The following TBC1D4 variants were observed in gnomAD, a reference collection of about 807,000 sequenced individuals.
TBC1D4 encodes TBC (Tre-2, BUB2, CDC16) domain-containing protein.
TBC1D4 carries 121 observed loss-of-function variants against 142.5 expected under a neutral mutation model. The ratio of observed to expected loss-of-function variants is 0.85; its 90% CI spans 0.73 to 0.99. The LOEUF (loss-of-function observed/expected upper bound fraction) is 0.99. Ranked by LOEUF, TBC1D4 falls within the 50% of genes least tolerant of loss-of-function variation. The pLI is 0.00. For missense variants in TBC1D4, 1,475 were observed against 1,606.6 expected (o/e 0.92, Z 1.40); for synonymous variants, 630 against 628.2 (o/e 1.00, Z -0.04).
intron 1 of TBC1D4, among the ~76,000 whole-genome samples, chr13:75,468,685 C>T (rs573658402): frequency 6.6e-6 from 1 of 152,296 alleles, no homozygotes; most frequent in South Asian, 2.1e-4. Context: ...AATACAATCA[C>T]CACTTGTTAA....
intron 11 of TBC1D4, 64 bp downstream of exon 11, chr13:75,324,173 T>C (rs1879017300): frequency 1.3e-6 from 2 of 1,585,958 alleles, no homozygotes; most frequent in African/African-American, 1.3e-5. Flanking sequence ...AACCACTTTT[T>C]AGTAACATAT....
intron 9 of TBC1D4, 38 bp from the exon 10 acceptor site, chr13:75,326,461 G>A (rs751076500): frequency 1.0e-5 from 16 of 1,606,304 alleles, no homozygotes; most frequent in South Asian, 3.3e-5. Context: ...TATTTCCCAC[G>A]TGGGTCATGG....
rs187848759 is a variant in TBC1D4 at position 75,283,725 on chromosome 13, A to G, written c.*3067T>C. 3.9e-5 allele frequency among the ~76,000 whole-genome samples: 6 copies of G among 152,314 alleles called. No individual in the cohort carries two copies. The East Asian group carries it at 1.2e-3, about 29-fold the overall frequency. On this transcript the variant is annotated 3_prime_UTR_variant, in exon 21 of 21. Coordinates refer to ENST00000377636, the MANE Select transcript of TBC1D4 (RefSeq NM_014832.5). ...TGCAAATCTGTCAATGTGGTTGCTTATATTTTTCTTTCAAAAGTCTCCATT... is the reference window on the plus strand; with the variant it reads ...TGCAAATCTGTCAATGTGGTTGCTTGTATTTTTCTTTCAAAAGTCTCCATT...
chr13:75,480,527 GA>G (rs541093705), intron 1 of TBC1D4, among the ~76,000 whole-genome samples: 9 of 151,288 alleles, frequency 5.9e-5, no homozygotes, highest in South Asian at 2.1e-4. Flanking sequence ...GAAGACTCTG[GA>G]AAAAAAATAT....
At chr13:75,399,275 G>A (rs932149868) in intron 1 of TBC1D4, among the ~76,000 whole-genome samples, 1 of 152,170 alleles carries the variant, frequency 6.6e-6, no homozygotes, top group Non-Finnish European at 1.5e-5. Context: ...CAACACAGAG[G>A]ATGGAGCCAA....
intron 14 of TBC1D4, among the ~76,000 whole-genome samples, chr13:75,307,701 C>G (rs1293977423): frequency 6.6e-6 from 1 of 152,166 alleles, no homozygotes; most frequent in East Asian, 1.9e-4. Flanking sequence ...TATCTTATAA[C>G]AAACTGTTAT....
chr13:75,348,954 A>AGAGAGAGT (rs969343152), intron 5 of TBC1D4, among the ~76,000 whole-genome samples: 9 of 139,166 alleles, frequency 6.5e-5, no homozygotes, highest in South Asian at 2.5e-4. Flanking sequence ...AGAGAGAGAG[A>AGAGAGAGT]GTGTGTGTGT....
intron 1 of TBC1D4, among the ~76,000 whole-genome samples, chr13:75,448,628 T>C (rs1203422107): frequency 6.6e-6 from 1 of 151,538 alleles, no homozygotes; most frequent in African/African-American, 2.4e-5. Context: ...CTCCACTTTA[T>C]GCTCTGTAGT....
intron 1 of TBC1D4, among the ~76,000 whole-genome samples, chr13:75,409,981 G>C (rs2138391267): frequency 6.6e-6 from 1 of 152,264 alleles, no homozygotes; most frequent in Admixed American, 6.5e-5. Context: ...CCAGCTTTCA[G>C]ATTTTTAAAT....
chr13:75,288,500 A>G (rs1874924433), intron 20 of TBC1D4, among the ~76,000 whole-genome samples: 2 of 152,046 alleles, frequency 1.3e-5, no homozygotes, highest in South Asian at 4.2e-4. Flanking sequence ...ACACTAGGCT[A>G]ACTTTGCTGC....
At chr13:75,436,753 A>C (rs1886816761) in intron 1 of TBC1D4, among the ~76,000 whole-genome samples, 1 of 152,218 alleles carries the variant, frequency 6.6e-6, no homozygotes, top group African/African-American at 2.4e-5. Flanking sequence ...ATGTTTGATT[A>C]AAAAGCATCT....
chr13:75,292,881 G>C (rs772433463), intron 18 of TBC1D4, among the ~76,000 whole-genome samples: 4 of 152,178 alleles, frequency 2.6e-5, no homozygotes, highest in Non-Finnish European at 5.9e-5. Flanking sequence ...TAGGCCGGGC[G>C]TGTTGGCTCA....
intron 1 of TBC1D4, among the ~76,000 whole-genome samples, chr13:75,391,621 A>G (rs1884495325): frequency 6.6e-6 from 1 of 151,856 alleles, no homozygotes; most frequent in Non-Finnish European, 1.5e-5. Context: ...ATTCCTTCTC[A>G]TCTCTCAGAA....
intron 1 of TBC1D4, among the ~76,000 whole-genome samples, chr13:75,405,762 A>T (rs1885309471): frequency 6.6e-6 from 1 of 152,330 alleles, no homozygotes; most frequent in South Asian, 2.1e-4. Flanking sequence ...TAAGCCAAGA[A>T]CTCATTTGTT....
intron 1 of TBC1D4, among the ~76,000 whole-genome samples, chr13:75,397,969 G>A (rs1884884054): frequency 6.6e-6 from 1 of 152,158 alleles, no homozygotes; most frequent in South Asian, 2.1e-4. Context: ...AAAATATCCA[G>A]CAGCTATAAC....
intron 10 of TBC1D4, 116 bp from the exon 11 acceptor site, chr13:75,324,517 G>A: frequency 8.1e-7 from 1 of 1,233,902 alleles, no homozygotes; most frequent in Non-Finnish European, 1.1e-6. Context: ...TCCTTTCAAG[G>A]CTCAGGGCTG....
intron 1 of TBC1D4, among the ~76,000 whole-genome samples, chr13:75,452,146 C>T (rs1887560433): frequency 6.6e-6 from 1 of 151,938 alleles, no homozygotes; most frequent in Non-Finnish European, 1.5e-5. Context: ...TCATGTTTAT[C>T]CTTCCTTCCA....
chr13:75,349,745 G>C (rs1881452241), intron 4 of TBC1D4, among the ~76,000 whole-genome samples: 1 of 152,148 alleles, frequency 6.6e-6, no homozygotes, highest in African/African-American at 2.4e-5. Context: ...ATTACTTTTA[G>C]TGTAAAAGCA....
intron 8 of TBC1D4, among the ~76,000 whole-genome samples, chr13:75,328,197 AATAC>A (rs1352474618): frequency 1.3e-5 from 2 of 152,208 alleles, no homozygotes; most frequent in Non-Finnish European, 2.9e-5. Context: ...AAAATGACTT[AATAC>A]ATACAACCTA....
Sources: gnomAD v4.1 joint callset for allele counts (sites outside exome capture counted in the v4.1 genomes callset) on GRCh38, gnomAD v4.1.1 for gene constraint, MANE v1.5 for transcripts, NCBI Gene and HGNC (gene_info 2026-07-23, HGNC 2026-07-21) for gene names.